Variants in FER1L6 observed in about 807,000 individuals in gnomAD.
FER1L6 encodes the protein fer-1-like protein 6.
FER1L6 carries 177 observed loss-of-function variants against 219.2 expected under a neutral mutation model. That is an observed-to-expected ratio of 0.81 (90% CI 0.71 to 0.91). The LOEUF (loss-of-function observed/expected upper bound fraction) is 0.91. Among genes scored for constraint, FER1L6 ranks in the 40% least tolerant of loss-of-function variants. FER1L6 has a pLI of 0.00. For synonymous variants in FER1L6, 768 were observed against 824.3 expected (o/e 0.93, Z 1.17); for missense variants, 2,153 against 2,259.9 (o/e 0.95, Z 0.96).
intron 7 of FER1L6, among the ~76,000 whole-genome samples, chr8:123,974,209 T>C (rs1189305163): frequency 6.6e-6 from 1 of 152,168 alleles, no homozygotes; most frequent in East Asian, 1.9e-4. Context: ...ACAGGGAGCA[T>C]AGCTGCGTGC....
intron 22 of FER1L6, among the ~76,000 whole-genome samples, chr8:124,049,958 A>AGAATC (rs903966211): frequency 2.0e-5 from 3 of 152,238 alleles, no homozygotes; most frequent in Admixed American, 6.5e-5. Context: ...CTTATAAGTC[A>AGAATC]GAATCTCAGG....
At chr8:123,939,085 G>A (rs576672890) in intron 1 of FER1L6, 367 of 726,316 alleles carry the variant, frequency 5.1e-4, no homozygotes, top group Non-Finnish European at 6.0e-4. Flanking sequence ...TTTTGAGGCT[G>A]TGTAGTAATG....
chr8:123,968,919 A>C (rs150497010), intron 5 of FER1L6, among the ~76,000 whole-genome samples: 1 of 152,296 alleles, frequency 6.6e-6, no homozygotes, highest in African/African-American at 2.4e-5. Context: ...CTACAGCTCA[A>C]AAAAGAAAAT....
intron 1 of FER1L6, among the ~76,000 whole-genome samples, chr8:123,892,414 C>T (rs954810989): frequency 1.1e-4 from 17 of 152,070 alleles, no homozygotes; most frequent in Admixed American, 1.0e-3. Context: ...GTCTCAGCCC[C>T]GCAAGTAGCT....
chr8:124,014,916 A>G (rs562962661), intron 15 of FER1L6, among the ~76,000 whole-genome samples: 2 of 152,280 alleles, frequency 1.3e-5, no homozygotes, highest in East Asian at 3.9e-4. Flanking sequence ...GGCTGCAGTC[A>G]TATCAAGGTT....
chr8:123,875,251 G>A (rs964290577), intron 1 of FER1L6, among the ~76,000 whole-genome samples: 4 of 151,998 alleles, frequency 2.6e-5, no homozygotes, highest in African/African-American at 7.2e-5. Flanking sequence ...ACTCACTGTC[G>A]TCACTTTCTA....
intron 2 of FER1L6, 40 bp from the exon 3 acceptor site, chr8:123,963,238 T>C (rs202039385): frequency 5.6e-6 from 9 of 1,611,424 alleles, no homozygotes; most frequent in Non-Finnish European, 7.6e-6. Flanking sequence ...CCACCACATG[T>C]CAATTTCACA....
At chr8:124,015,334 T>C (rs1297436654) in intron 15 of FER1L6, among the ~76,000 whole-genome samples, 1 of 151,900 alleles carries the variant, frequency 6.6e-6, no homozygotes, top group Non-Finnish European at 1.5e-5. Context: ...GGAAACAACT[T>C]GGACTAACCC....
chr8:124,023,471 A>G lies in FER1L6; in HGVS notation c.2161A>G (p.Ile721Val). The change falls in exon 18 of 41, where the codon ATC (isoleucine) becomes GTC (valine). Residue 721 changes from isoleucine to valine, a missense_variant. Coordinates refer to ENST00000522917, the MANE Select transcript of FER1L6 (RefSeq NM_001039112.2). ...EPQHTIPDVF[I>V]WMLSNNRRVA... Reference sequence around the variant, plus strand: ...CCAGCACACTATCCCTGACGTTTTCATCTGGATGCTCAGCAACAACAGGAG... The same window carrying G: ...CCAGCACACTATCCCTGACGTTTTCGTCTGGATGCTCAGCAACAACAGGAG... 3 of 1,614,174 alleles carry G rather than the reference A, an allele frequency of 1.9e-6. No individual in the cohort carries two copies. The highest frequency in any genetic ancestry group is 2.5e-6 in the Non-Finnish European group (3 of 1,180,016).
At position 123,930,349 on chromosome 8, in the gene FER1L6, A is replaced by AT. The variant is rs35908666; in HGVS notation, c.-7-25634dup. ...AACCACAGCTTCCTCCCTCCCTGAC[A>AT]TTTTTTTTTGTCTCATGTGTTCTTG... On this transcript the variant is annotated intron_variant, in intron 1 of 40. Coordinates refer to ENST00000522917, the MANE Select transcript of FER1L6 (RefSeq NM_001039112.2). Among the ~76,000 whole-genome samples the AT allele has an allele frequency of 6.6e-3, 996 of 150,948 alleles. 4 individuals carry two copies. Among genetic ancestry groups the AT allele is most frequent in the South Asian group, 0.015 (74 of 4,780 alleles).
intron 1 of FER1L6, 136 bp from the exon 2 acceptor site, chr8:123,955,856 G>A: frequency 1.4e-6 from 1 of 733,534 alleles, no homozygotes; most frequent in Non-Finnish European, 2.3e-6. Context: ...GCTGATACTT[G>A]TCTTTTGCCC....
At chr8:123,971,520 TG>T (rs1815815977) in intron 6 of FER1L6, among the ~76,000 whole-genome samples, 1 of 152,262 alleles carries the variant, frequency 6.6e-6, no homozygotes, top group African/African-American at 2.4e-5. Context: ...GGACTGTTTG[TG>T]GGACATGTGG....
At chr8:123,959,299 C>T (rs1360009779) in intron 2 of FER1L6, among the ~76,000 whole-genome samples, 3 of 152,214 alleles carry the variant, frequency 2.0e-5, no homozygotes, top group Non-Finnish European at 4.4e-5. Context: ...TCAGCATCTA[C>T]TCTAGCACCT....
chr8:123,952,957 T>C (rs1257395959), intron 1 of FER1L6, among the ~76,000 whole-genome samples: 1 of 152,220 alleles, frequency 6.6e-6, no homozygotes, highest in Non-Finnish European at 1.5e-5. Flanking sequence ...TTGTGTCACA[T>C]GGGAAGAAAT....
chr8:124,117,209 C>T (rs1823284236), intron 39 of FER1L6, among the ~76,000 whole-genome samples: 1 of 152,196 alleles, frequency 6.6e-6, no homozygotes, highest in Admixed American at 6.5e-5. Context: ...GGAAAAGTTA[C>T]TTGATCTCTG....
intron 22 of FER1L6, among the ~76,000 whole-genome samples, chr8:124,056,639 G>C (rs996542261): frequency 6.6e-6 from 1 of 152,160 alleles, no homozygotes; most frequent in Non-Finnish European, 1.5e-5. Flanking sequence ...TAAAGGTAAA[G>C]TGTCATTAAC....
In FER1L6 at chr8:124,010,720, T is replaced by G; in HGVS notation, c.1821+6T>G. ...AGAAAATGGCAGACTTCCTGGTAGG[T>G]GACTCTGACAGGTGATGGATTAGAG... On this transcript the variant is annotated splice_donor_region_variant and intron_variant, in intron 14 of 40. Coordinates refer to ENST00000522917, the MANE Select transcript of FER1L6 (RefSeq NM_001039112.2). 1 of 1,612,894 alleles carries G rather than the reference T, an allele frequency of 6.2e-7. No individual in the cohort carries two copies. Among genetic ancestry groups the G allele is most frequent in the Non-Finnish European group, 8.5e-7 (1 of 1,179,732 alleles).
chr8:124,062,593 T>C (rs1265864151), intron 25 of FER1L6, among the ~76,000 whole-genome samples: 1 of 152,218 alleles, frequency 6.6e-6, no homozygotes, highest in Non-Finnish European at 1.5e-5. Flanking sequence ...TTAAGCTCTA[T>C]CCATATTGCT....
chr8:124,080,379 G>A (rs558442943), intron 32 of FER1L6, among the ~76,000 whole-genome samples: 162 of 151,970 alleles, frequency 1.1e-3, no homozygotes, highest in African/African-American at 3.5e-3. Context: ...GTGCAGTGGC[G>A]CGATCTTGGC....
Sources: gnomAD v4.1 joint callset for allele counts (sites outside exome capture counted in the v4.1 genomes callset) on GRCh38, gnomAD v4.1.1 for gene constraint, MANE v1.5 for transcripts, NCBI Gene and HGNC (gene_info 2026-07-23, HGNC 2026-07-21) for gene names.